The following H3-3A variants were observed in gnomAD, a reference collection of about 807,000 sequenced individuals.
H3-3A encodes the protein histone H3.3.
For missense variants in H3-3A, 7 were observed against 184.0 expected, an observed-to-expected ratio of 0.04 and a Z score of 5.57; for synonymous variants, 49 against 61.4, an observed-to-expected ratio of 0.80 and a Z score of 0.95.
At chr1:226,063,477 G>C (rs1657809981) in intron 1 of H3-3A, among the ~76,000 whole-genome samples, 1 of 152,130 alleles carries the variant, frequency 6.6e-6, no homozygotes, top group African/African-American at 2.4e-5. Flanking sequence ...GTATTTTCGA[G>C]CGATTTGGTG....
intron 1 of H3-3A, 52 bp from the exon 2 acceptor site, chr1:226,064,277 T>C: frequency 1.5e-6 from 2 of 1,330,914 alleles, no homozygotes; most frequent in South Asian, 1.2e-5. Context: ...GCAGGAAAAG[T>C]TGTATGTTTG....
intron 3 of H3-3A, among the ~76,000 whole-genome samples, chr1:226,069,930 T>C (rs1031732575): frequency 1.4e-4 from 21 of 152,240 alleles, no homozygotes; most frequent in African/African-American, 4.1e-4. Flanking sequence ...ATTTGAGTTA[T>C]GAGTTAATTC....
chr1:226,068,605 G>A (rs112538282), intron 3 of H3-3A, among the ~76,000 whole-genome samples: 3,415 of 152,218 alleles, frequency 0.022, 98 homozygotes, highest in African/African-American at 0.063. Flanking sequence ...AACGAATCTC[G>A]GAATATTAAG....
chr1:226,071,274 T>C, intron 3 of H3-3A, 77 bp from the exon 4 acceptor site: 4 of 1,202,450 alleles, frequency 3.3e-6, no homozygotes, highest in Non-Finnish European at 3.6e-6. Flanking sequence ...AAAAACCTTT[T>C]TGTTTTAATT....
At chr1:226,064,839 G>C (rs576267534) in intron 2 of H3-3A, among the ~76,000 whole-genome samples, 5 of 152,192 alleles carry the variant, frequency 3.3e-5, no homozygotes, top group Non-Finnish European at 5.9e-5. Flanking sequence ...ATCTTTCCTA[G>C]TTTTTGGCAA....
chr1:226,067,913 C>T (rs1283356612), intron 3 of H3-3A, among the ~76,000 whole-genome samples: 2 of 152,202 alleles, frequency 1.3e-5, no homozygotes, highest in African/African-American at 4.8e-5. Flanking sequence ...AGAAATTAGT[C>T]TCAGTTTGCC....
upstream of H3-3A, among the ~76,000 whole-genome samples, chr1:226,062,503 C>A (rs958899862): frequency 1.4e-5 from 2 of 146,956 alleles, no homozygotes; most frequent in Non-Finnish European, 3.0e-5. Context: ...TGTACACACA[C>A]GGCGCGAGGC....
At chr1:226,063,013 C>T (rs1017366408) in intron 1 of H3-3A, among the ~76,000 whole-genome samples, 2 of 151,878 alleles carry the variant, frequency 1.3e-5, no homozygotes, top group Non-Finnish European at 2.9e-5. Context: ...CCGCCTCAGC[C>T]CAACAGCAGC....
chr1:226,062,371 G>T (rs1247337557), upstream of H3-3A, among the ~76,000 whole-genome samples: 1 of 151,188 alleles, frequency 6.6e-6, no homozygotes. Flanking sequence ...CCCGGGCTTC[G>T]GGGGTTCGAC....
chr1:226,071,309 G>A (rs1424292096), intron 3 of H3-3A, 42 bp from the exon 4 acceptor site: 1 of 1,557,826 alleles, frequency 6.4e-7, no homozygotes, highest in Non-Finnish European at 8.8e-7. Context: ...TTAACTATTG[G>A]AAATAACATC....
At chr1:226,062,156 T>G (rs1031307044), upstream of H3-3A, 3 of 151,786 alleles carry the variant, frequency 2.0e-5, no homozygotes, top group African/African-American at 7.3e-5. Flanking sequence ...GGGAGCGTTT[T>G]CCAATGGGGC....
intron 1 of H3-3A, 142 bp from the exon 2 acceptor site, chr1:226,064,187 C>T (rs763937632): frequency 1.7e-6 from 1 of 598,734 alleles, no homozygotes; most frequent in Non-Finnish European, 2.9e-6. Context: ...GTAATCTTCA[C>T]CCTTTCAAAT....
intron 3 of H3-3A, chr1:226,066,980 A>G (rs904264926): frequency 6.6e-6 from 1 of 152,222 alleles, no homozygotes; most frequent in Non-Finnish European, 1.5e-5. Context: ...AATTTCAACT[A>G]CTAAAATCTT....
rs1658014370 is a variant in H3-3A, at chr1:226,069,078, ACT to A, written c.283-2270_283-2269del. On this transcript the variant is annotated intron_variant, in intron 3 of 3. Coordinates refer to ENST00000366815, the MANE Select transcript of H3-3A (RefSeq NM_002107.7). ...TTTTTTTTTTTTTGAGACGAGTCAC[ACT>A]CTGTCACCTAGGCTGGAGTGCAGTG... Among the ~76,000 whole-genome samples, 6 of 148,970 alleles carry A rather than the reference ACT, an allele frequency of 4.0e-5. No homozygotes were observed. In the South Asian group the frequency reaches 1.3e-3, roughly 32 times the overall value.
In H3-3A at chr1:226,071,734, AC is replaced by A. The variant is rs557140788; in HGVS notation, c.*256del. ...AATGCAAGTTAAAATGTTTCAGTGA[AC>A]AAGTTTCAGCGGTTCAACTTTATAA... On this transcript the variant is annotated 3_prime_UTR_variant, in exon 4 of 4. Coordinates refer to ENST00000366815, the MANE Select transcript of H3-3A (RefSeq NM_002107.7). 214 of 245,752 alleles carry A rather than the reference AC, an allele frequency of 8.7e-4. 1 individual carries two copies. The highest frequency in any genetic ancestry group is 5.1e-3 in the African/African-American group (203 of 39,752). 15.2% of individuals were successfully genotyped at this position (245,752 alleles called of 1,614,324 possible).
At chr1:226,063,196 A>G (rs1369785070) in intron 1 of H3-3A, among the ~76,000 whole-genome samples, 1 of 151,670 alleles carries the variant, frequency 6.6e-6, no homozygotes. Flanking sequence ...TCGAGCGGGA[A>G]AGGGGTGGAA....
intron 3 of H3-3A, among the ~76,000 whole-genome samples, chr1:226,067,743 C>CA (rs4012724): frequency 2.7e-5 from 4 of 146,306 alleles, no homozygotes; most frequent in Non-Finnish European, 4.5e-5. Context: ...ACTCTTGTCT[C>CA]AAAAAAAAAA....
intron 1 of H3-3A, among the ~76,000 whole-genome samples, chr1:226,063,180 C>G (rs1032931775): frequency 6.6e-6 from 1 of 152,020 alleles, no homozygotes; most frequent in Non-Finnish European, 1.5e-5. Flanking sequence ...CCCCAGCCCC[C>G]AGTTTTCGAG....
At chr1:226,065,849 G>A in intron 3 of H3-3A, 40 bp downstream of exon 3, 3 of 1,463,048 alleles carry the variant, frequency 2.1e-6, no homozygotes, top group Non-Finnish European at 1.9e-6. Flanking sequence ...TTGTATTCCT[G>A]TTGTGTACCA....
Sources: gnomAD v4.1 joint callset for allele counts (sites outside exome capture counted in the v4.1 genomes callset) on GRCh38, gnomAD v4.1.1 for gene constraint, MANE v1.5 for transcripts, NCBI Gene and HGNC (gene_info 2026-07-23, HGNC 2026-07-21) for gene names.